The following OCA2 variants were observed in gnomAD, a reference collection of about 807,000 sequenced individuals.
OCA2 encodes the protein P protein.
In OCA2, 77 loss-of-function variants were observed where a neutral mutation model predicts 100.2. The observed-to-expected ratio is 0.77, with a 90% CI of 0.64 to 0.93. The LOEUF (loss-of-function observed/expected upper bound fraction) is 0.93. Among genes scored for constraint, OCA2 ranks in the 40% least tolerant of loss-of-function variants. The pLI, the probability that OCA2 is intolerant of heterozygous loss-of-function variation, is 0.00. For missense variants in OCA2, 1,062 were observed against 1,089.1 expected, an observed-to-expected ratio of 0.98 and a Z score of 0.35; for synonymous variants, 432 against 439.2, an observed-to-expected ratio of 0.98 and a Z score of 0.21.
In OCA2 at chr15:27,776,961, G is replaced by A. The variant is rs539276976; in HGVS notation, c.2433-21489C>T. On this transcript the variant is annotated intron_variant, in intron 23 of 23. Coordinates refer to ENST00000354638, the MANE Select transcript of OCA2 (RefSeq NM_000275.3). ...CAGACCTACAGGCAAGTGTGGCGGC[G>A]GGGAGCGTGAGGTGGGGGGGGGTGG... is the stretch of plus-strand genomic sequence containing the variant. 1.3e-4 allele frequency among the ~76,000 whole-genome samples: 19 copies of A among 150,080 alleles called. No individual in the cohort carries two copies. In the South Asian group the frequency reaches 3.2e-3, roughly 25 times the overall value.
chr15:27,721,484 G>A, the OCA2 span, among the ~76,000 whole-genome samples: 1 of 152,294 alleles, frequency 6.6e-6, no homozygotes, highest in South Asian at 2.1e-4. Context: ...ATTAAAAATA[G>A]AATTATATCA....
chr15:27,921,317 GA>G (rs1049083140), intron 19 of OCA2, among the ~76,000 whole-genome samples: 5 of 149,642 alleles, frequency 3.3e-5, no homozygotes, highest in African/African-American at 9.8e-5. Context: ...ACTGGTGAAA[GA>G]AAAAAAAACT....
chr15:28,075,519 C>T lies in OCA2; in HGVS notation c.227+6129G>A, dbSNP rs188486505. Among the ~76,000 whole-genome samples, 8 of 152,294 alleles carry T rather than the reference C, an allele frequency of 5.3e-5. No individual in the cohort carries two copies. The East Asian group carries it at 1.5e-3, about 29-fold the overall frequency. On this transcript the variant is annotated intron_variant, in intron 2 of 23. Coordinates refer to ENST00000354638, the MANE Select transcript of OCA2 (RefSeq NM_000275.3). ...TCCTTGGAAAGCAATTTGGCCTTTG[C>T]TTAGACAGTTAAACATATATTTATC...
chr15:27,955,547 C>G (rs1434442773), intron 16 of OCA2, among the ~76,000 whole-genome samples: 2 of 152,196 alleles, frequency 1.3e-5, no homozygotes, highest in African/African-American at 4.8e-5. Context: ...TTATTTTCCT[C>G]TTTATGCACA....
chr15:27,831,055 A>T (rs2034929682), intron 23 of OCA2, among the ~76,000 whole-genome samples: 1 of 152,134 alleles, frequency 6.6e-6, no homozygotes, highest in Non-Finnish European at 1.5e-5. Context: ...TGGGAGGCCA[A>T]GGCAGGCGGA....
intron 23 of OCA2, among the ~76,000 whole-genome samples, chr15:27,839,537 A>G (rs557793185): frequency 3.5e-4 from 53 of 152,356 alleles, no homozygotes; most frequent in African/African-American, 1.2e-3. Flanking sequence ...ATAAAGTACA[A>G]TCAAGTCAAA....
chr15:27,944,817 C>T (rs2039775434), intron 18 of OCA2, among the ~76,000 whole-genome samples: 1 of 152,162 alleles, frequency 6.6e-6, no homozygotes, highest in Non-Finnish European at 1.5e-5. Context: ...ATACAACTCC[C>T]GTCTTCCATT....
intron 21 of OCA2, among the ~76,000 whole-genome samples, chr15:27,861,660 G>A (rs533500614): frequency 2.0e-5 from 3 of 152,254 alleles, no homozygotes; most frequent in African/African-American, 7.2e-5. Flanking sequence ...TCTCTCGAGG[G>A]CGGGCACTAG....
At chr15:28,014,738 G>T in intron 9 of OCA2, 38 bp downstream of exon 9, 1 of 1,604,724 alleles carries the variant, frequency 6.2e-7, no homozygotes, top group South Asian at 1.1e-5. Flanking sequence ...CCCTGACTGT[G>T]GGCCCAGACA....
At chr15:28,040,031 CAAA>C (rs57662493) in intron 2 of OCA2, among the ~76,000 whole-genome samples, 4 of 106,968 alleles carry the variant, frequency 3.7e-5, no homozygotes, top group East Asian at 2.6e-4. Context: ...GACTCCATCT[CAAA>C]AAAAAAAAAA....
chr15:27,805,727 A>C (rs2033813030), intron 23 of OCA2, among the ~76,000 whole-genome samples: 1 of 152,134 alleles, frequency 6.6e-6, no homozygotes, highest in Non-Finnish European at 1.5e-5. Context: ...GCCGAGTGCC[A>C]GAGGTGCACA....
At chr15:27,784,242 A>G (rs994434334) in intron 23 of OCA2, among the ~76,000 whole-genome samples, 7 of 152,350 alleles carry the variant, frequency 4.6e-5, no homozygotes, top group Admixed American at 6.5e-5. Flanking sequence ...AAAAATGCTC[A>G]GGCAAACCGG....
At chr15:28,073,719 A>C (rs1566868863) in intron 2 of OCA2, among the ~76,000 whole-genome samples, 1 of 152,246 alleles carries the variant, frequency 6.6e-6, no homozygotes, top group South Asian at 2.1e-4. Flanking sequence ...CTCATGTAAC[A>C]AATCTGCACA....
At chr15:28,011,058 G>A (rs2042225645) in intron 9 of OCA2, among the ~76,000 whole-genome samples, 1 of 152,212 alleles carries the variant, frequency 6.6e-6, no homozygotes, top group South Asian at 2.1e-4. Flanking sequence ...TAACCAAGGA[G>A]CAAATGCAAT....
intron 9 of OCA2, among the ~76,000 whole-genome samples, chr15:27,996,833 G>T (rs1221466874): frequency 2.6e-5 from 4 of 151,948 alleles, no homozygotes; most frequent in African/African-American, 7.2e-5. Context: ...CTCACCAATG[G>T]CTTCACAGGT....
intron 2 of OCA2, among the ~76,000 whole-genome samples, chr15:28,060,522 G>A (rs375726966): frequency 2.4e-4 from 37 of 152,290 alleles, no homozygotes; most frequent in African/African-American, 8.9e-4. Context: ...CAAATCAAAG[G>A]AAGACGAGGT....
At chr15:27,820,785 T>C (rs1423931751) in intron 23 of OCA2, among the ~76,000 whole-genome samples, 1 of 152,208 alleles carries the variant, frequency 6.6e-6, no homozygotes, top group East Asian at 1.9e-4. Flanking sequence ...CTTAGATGTG[T>C]AAATAATAAC....
chr15:27,827,448 G>A (rs1045307015), intron 23 of OCA2, among the ~76,000 whole-genome samples: 1 of 152,124 alleles, frequency 6.6e-6, no homozygotes, highest in African/African-American at 2.4e-5. Flanking sequence ...TCCACAGAGT[G>A]CCGACGGAGC....
At chr15:27,761,993 C>G (rs566231454) in intron 23 of OCA2, among the ~76,000 whole-genome samples, 1 of 152,290 alleles carries the variant, frequency 6.6e-6, no homozygotes, top group Admixed American at 6.5e-5. Context: ...GTATGCCCAG[C>G]TTATTTTTGA....
Sources: gnomAD v4.1 joint callset for allele counts (sites outside exome capture counted in the v4.1 genomes callset) on GRCh38, gnomAD v4.1.1 for gene constraint, MANE v1.5 for transcripts, NCBI Gene and HGNC (gene_info 2026-07-23, HGNC 2026-07-21) for gene names.